EYA2: variants seen among roughly 807,000 people sequenced by gnomAD.
EYA2 encodes the protein EYA transcriptional coactivator and phosphatase 2, also known as protein phosphatase EYA2.
In EYA2, 31 loss-of-function variants were observed where a neutral mutation model predicts 69.2. The observed-to-expected ratio is 0.45, with a 90% CI of 0.34 to 0.60. The LOEUF is 0.60. EYA2 is among the 20% of genes least tolerant of loss of function. The pLI is 0.02. For missense variants in EYA2, 622 were observed against 701.2 expected (o/e 0.89, Z 1.28); for synonymous variants, 257 against 279.4 (o/e 0.92, Z 0.80).
At chr20:46,953,565 G>A (rs994081) in intron 1 of EYA2, among the ~76,000 whole-genome samples, 3,044 of 152,192 alleles carry the variant, frequency 0.02, 118 homozygotes, top group African/African-American at 0.07. Flanking sequence ...ACAGATGTAC[G>A]GACACTGGGG....
At chr20:47,038,102 A>G (rs189989888) in intron 5 of EYA2, among the ~76,000 whole-genome samples, 103 of 152,356 alleles carry the variant, frequency 6.8e-4, no homozygotes, top group Middle Eastern at 3.4e-3. Flanking sequence ...AGTAAAATTC[A>G]TAGTGTTTCT....
intron 1 of EYA2, among the ~76,000 whole-genome samples, chr20:46,897,861 T>C (rs1002534390): frequency 6.6e-6 from 1 of 152,142 alleles, no homozygotes; most frequent in Non-Finnish European, 1.5e-5. Context: ...CAGGCCTCCT[T>C]CATACAAAGA....
intron 12 of EYA2, among the ~76,000 whole-genome samples, chr20:47,175,215 G>A (rs566437641): frequency 3.3e-5 from 5 of 152,360 alleles, no homozygotes; most frequent in African/African-American, 1.2e-4. Flanking sequence ...GTGCATGGCC[G>A]TGGCTTCCAG....
chr20:47,070,071 C>G (rs987719324), intron 5 of EYA2, among the ~76,000 whole-genome samples: 2 of 151,930 alleles, frequency 1.3e-5, no homozygotes, highest in Non-Finnish European at 2.9e-5. Context: ...TTTTGCTCTT[C>G]AAAAGACACC....
intron 9 of EYA2, among the ~76,000 whole-genome samples, chr20:47,130,234 G>A (rs1379107821): frequency 3.5e-5 from 5 of 144,622 alleles, no homozygotes; most frequent in Non-Finnish European, 7.5e-5. Context: ...GTAACTTAAC[G>A]GAAAGAAATA....
intron 10 of EYA2, chr20:47,160,829 A>G (rs746240649): frequency 8.5e-6 from 2 of 236,348 alleles, no homozygotes; most frequent in Non-Finnish European, 7.9e-6. Flanking sequence ...TTTTTCTTGT[A>G]TAAAAACCCT....
intron 5 of EYA2, among the ~76,000 whole-genome samples, chr20:47,066,023 G>A: frequency 6.6e-6 from 1 of 152,136 alleles, no homozygotes; most frequent in East Asian, 1.9e-4. Context: ...ACAAATTAAT[G>A]ATTGAATGAA....
intron 8 of EYA2, among the ~76,000 whole-genome samples, chr20:47,090,093 C>T (rs1054403100): frequency 1.9e-4 from 29 of 152,082 alleles, no homozygotes; most frequent in African/African-American, 7.0e-4. Flanking sequence ...GAGAAACCTT[C>T]ATTATCAAGT....
chr20:47,027,792 A>G lies in EYA2; in HGVS notation c.415+11495A>G, dbSNP rs76661868. Among the ~76,000 whole-genome samples, 964 of 152,326 alleles carry G rather than the reference A, an allele frequency of 6.3e-3. 8 individuals carry two copies. The highest frequency in any genetic ancestry group is 8.8e-3 in the Non-Finnish European group (601 of 68,020). Reference sequence around the variant, plus strand: ...TGATAGCCCCTAGCCACAGGTGGCTACTGAGCACTGAAATGTGGTTAGTGC... The same window carrying G: ...TGATAGCCCCTAGCCACAGGTGGCTGCTGAGCACTGAAATGTGGTTAGTGC... On this transcript the variant is annotated intron_variant, in intron 5 of 15. Transcript: ENST00000327619.
intron 7 of EYA2, among the ~76,000 whole-genome samples, chr20:47,081,808 AGAG>A (rs1424678534): frequency 9.4e-5 from 14 of 149,456 alleles, no homozygotes; most frequent in African/African-American, 3.2e-4. Flanking sequence ...AAAGAAAAAA[AGAG>A]AGAGAGAGAG....
intron 1 of EYA2, among the ~76,000 whole-genome samples, chr20:46,917,000 AAG>A (rs769072414): frequency 2.2e-4 from 33 of 152,274 alleles, no homozygotes; most frequent in Admixed American, 4.6e-4. Flanking sequence ...AAGGAGGAAA[AAG>A]AGTTCATTTA....
At chr20:46,905,516 C>T (rs1984308758) in intron 1 of EYA2, among the ~76,000 whole-genome samples, 1 of 152,216 alleles carries the variant, frequency 6.6e-6, no homozygotes, top group Non-Finnish European at 1.5e-5. Flanking sequence ...TCTTGAACAG[C>T]ACATGGAAAA....
chr20:47,072,916 G>A (rs2031369382), intron 6 of EYA2, among the ~76,000 whole-genome samples: 1 of 152,166 alleles, frequency 6.6e-6, no homozygotes, highest in Non-Finnish European at 1.5e-5. Context: ...AACATATTTA[G>A]ATCTGAGGAA....
At chr20:47,118,656 G>A (rs536290620) in intron 9 of EYA2, among the ~76,000 whole-genome samples, 1 of 152,250 alleles carries the variant, frequency 6.6e-6, no homozygotes, top group South Asian at 2.1e-4. Flanking sequence ...TTTAAAGATG[G>A]TTTGGGGTTG....
chr20:46,951,771 G>A (rs1033412654), intron 1 of EYA2, among the ~76,000 whole-genome samples: 4 of 152,186 alleles, frequency 2.6e-5, no homozygotes, highest in Non-Finnish European at 4.4e-5. Flanking sequence ...ATGGGGGCGA[G>A]AGTGTGGATT....
At chr20:46,992,342 T>TGATA (rs370551883) in intron 2 of EYA2, among the ~76,000 whole-genome samples, 132 of 152,308 alleles carry the variant, frequency 8.7e-4, no homozygotes, top group African/African-American at 3.1e-3. Flanking sequence ...ATGGCACAGG[T>TGATA]GATAGCCCAG....
At chr20:46,970,726 C>T (rs1013035109) in intron 1 of EYA2, among the ~76,000 whole-genome samples, 4 of 151,936 alleles carry the variant, frequency 2.6e-5, no homozygotes, top group Non-Finnish European at 4.4e-5. Context: ...GTACTGATGT[C>T]GAAAACTGTC....
chr20:47,103,758 T>A (rs780300701), intron 9 of EYA2, among the ~76,000 whole-genome samples: 48 of 152,028 alleles, frequency 3.2e-4, no homozygotes, highest in Admixed American at 7.9e-4. Context: ...GGATTACAAT[T>A]TGGATTATGA....
intron 5 of EYA2, among the ~76,000 whole-genome samples, chr20:47,026,035 C>G (rs1487593522): frequency 6.6e-6 from 1 of 152,204 alleles, no homozygotes; most frequent in Non-Finnish European, 1.5e-5. Flanking sequence ...CTAGGCATAC[C>G]AATATTTAAG....
Sources: gnomAD v4.1 joint callset for allele counts (sites outside exome capture counted in the v4.1 genomes callset) on GRCh38, gnomAD v4.1.1 for gene constraint, MANE v1.5 for transcripts, NCBI Gene and HGNC (gene_info 2026-07-23, HGNC 2026-07-21) for gene names.